Variants in NIPBL observed in about 807,000 individuals in gnomAD.
The protein encoded by NIPBL is nipped-B-like protein.
NIPBL carries 19 observed loss-of-function variants against 321.8 expected under a neutral mutation model. That is an observed-to-expected ratio of 0.06 (90% confidence interval 0.04 to 0.09). The LOEUF is 0.09. NIPBL is among the 10% of genes least tolerant of loss of function. NIPBL has a pLI of 1.00. For synonymous variants in NIPBL, 1,106 were observed against 1,114.1 expected (o/e 0.99, Z 0.14); for missense variants, 2,210 against 3,327.0 (o/e 0.66, Z 8.26).
At chr5:37,028,094 A>C (rs957051337) in intron 32 of NIPBL, among the ~76,000 whole-genome samples, 1 of 152,188 alleles carries the variant, frequency 6.6e-6, no homozygotes, top group Non-Finnish European at 1.5e-5. Flanking sequence ...TTATGCATAG[A>C]ATTTCCTTTA....
In NIPBL at chr5:36,976,415, CATT is replaced by C. The variant is rs1743459537; in HGVS notation, c.1495+18_1495+20del. On this transcript the variant is annotated intron_variant, in intron 9 of 46. Transcript: ENST00000282516. The stretch of plus-strand genomic sequence containing the variant: ...GTTCAAGATAAAGGTAAAATAATCT[CATT>C]ATTACCACTTCATCATCTGGGCAAA... 6.2e-7 allele frequency: 1 copy of C among 1,600,866 alleles called. No homozygotes were observed. Among genetic ancestry groups the C allele is most frequent in the South Asian group, 1.1e-5 (1 of 90,928 alleles).
At chr5:37,041,251 G>GTT (rs1561200046) in intron 34 of NIPBL, among the ~76,000 whole-genome samples, 2 of 93,690 alleles carry the variant, frequency 2.1e-5, no homozygotes, top group African/African-American at 1.4e-4. Flanking sequence ...GTTATGTGGT[G>GTT]GTTTTTTTTT....
chr5:37,015,738 TAAAG>T (rs984267966), intron 22 of NIPBL, among the ~76,000 whole-genome samples: 7 of 151,984 alleles, frequency 4.6e-5, no homozygotes, highest in African/African-American at 1.2e-4. Flanking sequence ...CTCAAAAAAA[TAAAG>T]AATTTATGGT....
At chr5:37,017,608 CTT>C (rs60984195) in intron 24 of NIPBL, among the ~76,000 whole-genome samples, 8 of 132,278 alleles carry the variant, frequency 6.0e-5, no homozygotes, top group East Asian at 2.2e-4. Context: ...TGTTTTATTG[CTT>C]TTTTTTTTTT....
At chr5:36,885,663 T>C in intron 1 of NIPBL, 2 of 559,744 alleles carry the variant, frequency 3.6e-6, no homozygotes, top group Admixed American at 3.9e-5. Context: ...GTTCTGCAGA[T>C]TGACAATGCC....
Position 36,976,101 on chromosome 5 carries a change from A to G in NIPBL, c.1194A>G (p.Gly398=), listed in dbSNP as rs1319178774. The G allele has an allele frequency of 6.2e-7, 1 of 1,613,972 alleles. No homozygotes were observed. The highest frequency in any genetic ancestry group is 8.5e-7 in the Non-Finnish European group (1 of 1,179,962). ...NDIPFNVQYP[G]QTSKTPITPQ... is the part of the protein sequence containing the mutation. ...TTCCTTTTAATGTGCAGTACCCAGGACAGACTTCAAAAACACCCATTACTC... is the reference window on the plus strand; with the variant it reads ...TTCCTTTTAATGTGCAGTACCCAGGGCAGACTTCAAAAACACCCATTACTC... Residue 398 remains glycine, a synonymous_variant, in exon 9 of 47, where the codon GGA becomes GGG. Transcript: ENST00000282516.
rs1258349668 is a variant in NIPBL, at chr5:36,956,659, C to G, written c.230+1022C>G. 1.1e-4 allele frequency among the ~76,000 whole-genome samples: 12 copies of G among 104,918 alleles called. No homozygotes were observed. The Admixed American group carries it at 1.2e-3, about 10-fold the overall frequency. 68.8% of individuals were successfully genotyped at this position (104,918 alleles called of 152,430 possible). The stretch of plus-strand genomic sequence containing the variant: ...TTTTTTTTTGAGATGGAGTCTTGCT[C>G]TGTTGCCCAGGCTGGAGTGCAGTGG... On this transcript the variant is annotated intron_variant, in intron 3 of 46. Coordinates refer to ENST00000282516, the MANE Select transcript of NIPBL (RefSeq NM_133433.4).
rs142703446 is a variant in NIPBL at position 36,955,586 on chromosome 5, A to C, written c.179A>C (p.Asn60Thr). Residue 60 changes from asparagine (N) to threonine (T), a missense_variant, in exon 3 of 47, where the codon AAT (asparagine) becomes ACT (threonine). By Grantham distance (65) the Asn-to-Thr change is moderately conservative. Around this residue, in one of 14 missense-constraint regions of NIPBL, gnomAD observed 464 missense variants for 529.5 expected, o/e 0.88. Coordinates refer to ENST00000282516, the MANE Select transcript of NIPBL (RefSeq NM_133433.4). ...VNCLLACRDDNLVSQLVHSLN... is the reference protein window; with the variant it reads ...VNCLLACRDDTLVSQLVHSLN... The stretch of plus-strand genomic sequence containing the variant: ...TGCCTTTTGGCTTGTAGGGATGACA[A>C]TTTGGTTTCACAGCTTGTCCATAGC... The C allele has an allele frequency of 6.2e-7, 1 of 1,613,962 alleles. No individual in the cohort carries two copies. The highest frequency in any genetic ancestry group is 1.7e-5 in the Admixed American group (1 of 60,008).
chr5:37,014,367 C>T (rs1748676183), intron 21 of NIPBL, among the ~76,000 whole-genome samples: 1 of 151,572 alleles, frequency 6.6e-6, no homozygotes, highest in Non-Finnish European at 1.5e-5. Context: ...TTTCTAAATT[C>T]TTTTTTTATT....
rs968768950 is a variant in NIPBL at position 37,014,724 on chromosome 5, T to A, written c.4602T>A (p.Ala1534=). 1 of 1,610,444 alleles carries A rather than the reference T, an allele frequency of 6.2e-7. No individual in the cohort carries two copies. The highest frequency in any genetic ancestry group is 8.5e-7 in the Non-Finnish European group (1 of 1,176,792). Reference sequence around the variant, plus strand: ...TCATTACTAACTCTTATGAAACAGCTATGCGAACAGCCCAAAACTTCCTCT... The same window carrying A: ...TCATTACTAACTCTTATGAAACAGCAATGCGAACAGCCCAAAACTTCCTCT... ...DVVITNSYET[A]MRTAQNFLSI... The change falls in exon 22 of 47, where the codon GCT becomes GCA. Residue 1534 remains alanine, a synonymous_variant. Transcript: ENST00000282516.
At chr5:37,013,046 C>A (rs1748370454) in intron 21 of NIPBL, among the ~76,000 whole-genome samples, 2 of 144,424 alleles carry the variant, frequency 1.4e-5, no homozygotes, top group Non-Finnish European at 3.1e-5. Context: ...GGGGGCTGAC[C>A]CCCCCCCACC....
chr5:37,050,044 A>G (rs978749141), intron 40 of NIPBL, among the ~76,000 whole-genome samples: 4 of 152,208 alleles, frequency 2.6e-5, no homozygotes, highest in African/African-American at 9.6e-5. Context: ...ACTCCGGGCT[A>G]TTATCATAAA....
intron 15 of NIPBL, among the ~76,000 whole-genome samples, chr5:37,003,011 T>G (rs1056484419): frequency 7.0e-5 from 10 of 142,112 alleles, no homozygotes; most frequent in Middle Eastern, 3.5e-3. Flanking sequence ...TTTTCCAGAG[T>G]TTTTTTTTTT....
intron 38 of NIPBL, among the ~76,000 whole-genome samples, chr5:37,047,030 T>A (rs537160416): frequency 6.6e-6 from 1 of 152,308 alleles, no homozygotes; most frequent in Admixed American, 6.5e-5. Context: ...TTGTTATTAT[T>A]CTCTAAACAA....
intron 45 of NIPBL, among the ~76,000 whole-genome samples, chr5:37,062,690 TAGG>T (rs1754868042): frequency 6.6e-6 from 1 of 152,166 alleles, no homozygotes; most frequent in Admixed American, 6.5e-5. Flanking sequence ...GAGGCCTATG[TAGG>T]AGGTTTGCTT....
chr5:36,950,836 A>C (rs191922700), intron 1 of NIPBL, among the ~76,000 whole-genome samples: 1 of 152,270 alleles, frequency 6.6e-6, no homozygotes, highest in East Asian at 1.9e-4. Context: ...CATGTTTAGA[A>C]TCCTAGGAAC....
In NIPBL at chr5:36,975,920, A is replaced by G; in HGVS notation, c.1013A>G (p.Gln338Arg). The stretch of plus-strand genomic sequence containing the variant: ...AAATTAGGCAAGGATGAAAAAGAGC[A>G]GAGTGAGAAAGCGGCAATGTATGAT... ...KMKLGKDEKE[Q>R]SEKAAMYDII... Residue 338 changes from glutamine to arginine, a missense_variant, in exon 9 of 47, where the codon CAG (glutamine) becomes CGG (arginine). This residue lies in a region of NIPBL where 464 missense variants were observed against 529.5 expected (regional missense o/e 0.88). Coordinates refer to ENST00000282516, the MANE Select transcript of NIPBL (RefSeq NM_133433.4). 1 of 1,613,542 alleles carries G rather than the reference A, an allele frequency of 6.2e-7. No individual in the cohort carries two copies. The highest frequency in any genetic ancestry group is 1.1e-5 in the South Asian group (1 of 90,976).
intron 43 of NIPBL, among the ~76,000 whole-genome samples, chr5:37,057,603 T>C (rs1157598222): frequency 6.6e-6 from 1 of 152,214 alleles, no homozygotes; most frequent in African/African-American, 2.4e-5. Context: ...TGACCTTAAG[T>C]GTTTGCATCC....
At chr5:36,955,070 A>G in intron 2 of NIPBL, 1 of 174,512 alleles carries the variant, frequency 5.7e-6, no homozygotes, top group Non-Finnish European at 1.2e-5. Context: ...CTACTTTATG[A>G]AGAGTCAGAT....
Sources: gnomAD v4.1 joint callset for allele counts (sites outside exome capture counted in the v4.1 genomes callset) on GRCh38, gnomAD v4.1.1 for gene constraint, gnomAD v4.1.1 regional missense constraint, MANE v1.5 for transcripts, NCBI Gene and HGNC (gene_info 2026-07-23, HGNC 2026-07-21) for gene names.